ARID1B: variants seen among roughly 807,000 people sequenced by gnomAD.
ARID1B encodes the protein AT-rich interactive domain-containing protein 1B.
Under a neutral mutation model 212.3 loss-of-function variants are expected in ARID1B, and 30 were observed. That is an observed-to-expected ratio of 0.14 (90% CI 0.11 to 0.19). The LOEUF (loss-of-function observed/expected upper bound fraction) is 0.19. Among genes scored for constraint, ARID1B ranks in the 10% least tolerant of loss-of-function variants. The pLI is 1.00. For synonymous variants in ARID1B, 1,402 were observed against 1,301.7 expected, an observed-to-expected ratio of 1.08 and a Z score of -1.66; for missense variants, 2,891 against 3,204.0, an observed-to-expected ratio of 0.90 and a Z score of 2.36.
chr6:156,785,780 C>A (rs1218202106), intron 1 of ARID1B, among the ~76,000 whole-genome samples: 1 of 152,164 alleles, frequency 6.6e-6, no homozygotes, highest in Non-Finnish European at 1.5e-5. Flanking sequence ...CTTATCACTT[C>A]ATAGTTTGTG....
chr6:156,945,538 G>C (rs1268947127), intron 4 of ARID1B, among the ~76,000 whole-genome samples: 1 of 151,884 alleles, frequency 6.6e-6, no homozygotes, highest in African/African-American at 2.4e-5. Context: ...CGTAGGTAGG[G>C]ATCTCCCTGA....
At chr6:156,827,188 T>A (rs1782799274) in intron 1 of ARID1B, among the ~76,000 whole-genome samples, 1 of 152,206 alleles carries the variant, frequency 6.6e-6, no homozygotes. Context: ...CAGCTCATTA[T>A]GTCTCTTCCT....
rs761093701 is a variant in ARID1B at position 157,133,061 on chromosome 6, T to C, written c.2615T>C (p.Met872Thr). ...FMAGTQRNPQ[M>T]AQYGPQQTGP... ...GCAGGCACACAAAGAAACCCTCAGA[T>C]GGCTCAGTATGGACCTCAACAGACA... The change falls in exon 7 of 20, where the codon ATG becomes ACG. Residue 872 changes from methionine to threonine, a missense_variant. By Grantham distance (81) the Met-to-Thr change is moderately conservative. Around this residue, in one of 7 missense-constraint regions of ARID1B, gnomAD observed 1,643 missense variants for 1,544.0 expected, o/e 1.06. Coordinates refer to ENST00000636930, the MANE Select transcript of ARID1B (RefSeq NM_001374828.1). 16 of 1,606,528 alleles carry C rather than the reference T, an allele frequency of 1.0e-5. No individual in the cohort carries two copies. The Middle Eastern group carries it at 1.0e-3, about 100-fold the overall frequency.
upstream of ARID1B, chr6:156,777,329 A>T (rs1012872886): frequency 2.0e-5 from 3 of 151,298 alleles, no homozygotes; most frequent in Admixed American, 1.3e-4. Context: ...GCGCGGGAGT[A>T]ATGCGAGCGA....
In ARID1B at chr6:157,190,172, A is replaced by T. The variant is rs752811689; in HGVS notation, c.4193A>T (p.Tyr1398Phe). The change falls in exon 15 of 20, where the codon TAT becomes TTT. Residue 1398 changes from tyrosine to phenylalanine, a missense_variant. Tyr to Phe is a conservative substitution (Grantham distance 22). Coordinates refer to ENST00000636930, the MANE Select transcript of ARID1B (RefSeq NM_001374828.1). This position sits in a 1 kb window ranked among gnomAD's most constrained non-coding sequence, Gnocchi z 4.6. ...SMPDVMGRMP[Y>F]EPNKDPFGGM... ...CCCGATGTGATGGGCAGGATGCCCT[A>T]TGAGCCCAACAAGGACCCCTTTGGG... The T allele has an allele frequency of 6.2e-7, 1 of 1,613,980 alleles. No homozygotes were observed. The highest frequency in any genetic ancestry group is 8.5e-7 in the Non-Finnish European group (1 of 1,179,974).
At chr6:156,818,124 T>TTTTTTTTTTTC (rs1554255156) in intron 1 of ARID1B, among the ~76,000 whole-genome samples, 1 of 133,380 alleles carries the variant, frequency 7.5e-6, no homozygotes. Context: ...TTTTTTTTTT[T>TTTTTTTTTTTC]AGAATATAAG....
intron 4 of ARID1B, among the ~76,000 whole-genome samples, chr6:157,066,196 G>A (rs1783667614): frequency 6.6e-6 from 1 of 152,174 alleles, no homozygotes; most frequent in Admixed American, 6.5e-5. Flanking sequence ...GTCAATATCA[G>A]TTTTTACTGT....
At chr6:157,069,457 T>G (rs1353446201) in intron 4 of ARID1B, among the ~76,000 whole-genome samples, 1 of 152,206 alleles carries the variant, frequency 6.6e-6, no homozygotes, top group Non-Finnish European at 1.5e-5. Flanking sequence ...CACTACTAAT[T>G]TCTTGTAGGT....
intron 6 of ARID1B, among the ~76,000 whole-genome samples, chr6:157,128,489 G>A (rs774311416): frequency 2.0e-5 from 3 of 152,188 alleles, no homozygotes; most frequent in Admixed American, 6.5e-5. Flanking sequence ...TTCGAGACCA[G>A]CCTAGACAAC....
chr6:156,988,171 A>G (rs1336303500), intron 4 of ARID1B, among the ~76,000 whole-genome samples: 2 of 152,248 alleles, frequency 1.3e-5, no homozygotes, highest in Admixed American at 6.5e-5. Flanking sequence ...AGACGCACTT[A>G]GTAGTTACAA....
chr6:157,082,084 A>G (rs535078310), intron 4 of ARID1B, among the ~76,000 whole-genome samples: 10 of 152,276 alleles, frequency 6.6e-5, no homozygotes, highest in African/African-American at 2.4e-4. Flanking sequence ...ATCCCTTCAA[A>G]AAGAGTAAGA....
At chr6:157,095,915 G>A (rs1400336259) in intron 5 of ARID1B, among the ~76,000 whole-genome samples, 3 of 152,118 alleles carry the variant, frequency 2.0e-5, no homozygotes, top group East Asian at 1.9e-4. Flanking sequence ...CTGCTTGTTC[G>A]TTTTTCATGT....
At chr6:156,883,906 C>T (rs1161123106) in intron 2 of ARID1B, among the ~76,000 whole-genome samples, 2 of 152,174 alleles carry the variant, frequency 1.3e-5, no homozygotes, top group Non-Finnish European at 2.9e-5. Flanking sequence ...GTATCAACAA[C>T]AGCTGTAGGT....
Position 156,777,906 on chromosome 6 carries a change from C to T in ARID1B, c.226C>T (p.Leu76=), listed in dbSNP as rs1357701083. ...CCTGAACAGTGTGCACCACCACCCC[C>T]TGCTCCCCCGTCACGAACTCAACAT... is the stretch of plus-strand genomic sequence containing the variant. ...GGLNSVHHHP[L]LPRHELNMAH... The change falls in exon 1 of 20, where the codon CTG becomes TTG. Residue 76 remains leucine (L), a synonymous_variant. Transcript: ENST00000636930. 9.9e-6 allele frequency: 15 copies of T among 1,511,700 alleles called. No individual in the cohort carries two copies. Among genetic ancestry groups the T allele is most frequent in the African/African-American group, 1.4e-5 (1 of 71,436 alleles). The allele number at this position is 1,511,700 out of a possible 1,614,324, so 93.6% of individuals were successfully genotyped here. A position where few individuals can be genotyped will look rare whatever the true frequency, so the allele number is the denominator to read the frequency against.
At position 157,148,997 on chromosome 6, in the gene ARID1B, A is replaced by T. The variant is rs1057355525; in HGVS notation, c.3089+46A>T. On this transcript the variant is annotated intron_variant, in intron 8 of 19. Transcript: ENST00000636930. This position sits in a 1 kb window ranked among gnomAD's most constrained non-coding sequence, Gnocchi z 5.6. ...CCCCGGGCAGGTACGCTGTGTGTCT[A>T]CCCGTGACCACGTGACTGCGCACAT... 1 of 1,552,404 alleles carries T rather than the reference A, an allele frequency of 6.4e-7. No individual in the cohort carries two copies.
chr6:157,056,592 C>T (rs556822068), intron 4 of ARID1B, among the ~76,000 whole-genome samples: 1 of 152,234 alleles, frequency 6.6e-6, no homozygotes, highest in Non-Finnish European at 1.5e-5. Flanking sequence ...CTCAGTTTCT[C>T]CTTCCAGTAG....
At chr6:156,961,425 C>T (rs567953668) in intron 4 of ARID1B, among the ~76,000 whole-genome samples, 19 of 152,200 alleles carry the variant, frequency 1.2e-4, no homozygotes, top group African/African-American at 1.7e-4. Flanking sequence ...TTGCCTCTTC[C>T]GGGCAGTGCT....
At chr6:157,058,639 C>T (rs931616631) in intron 4 of ARID1B, among the ~76,000 whole-genome samples, 1 of 152,204 alleles carries the variant, frequency 6.6e-6, no homozygotes, top group African/African-American at 2.4e-5. Context: ...TTTAATATGG[C>T]CTGATGTTCA....
At chr6:157,122,616 C>T (rs753843251) in intron 6 of ARID1B, among the ~76,000 whole-genome samples, 9 of 152,206 alleles carry the variant, frequency 5.9e-5, no homozygotes, top group Non-Finnish European at 1.3e-4. Context: ...GGCAGCAGAA[C>T]CTGCCAGGGC....
Sources: allele counts gnomAD v4.1 joint callset (sites outside exome capture counted in the v4.1 genomes callset), GRCh38; gene constraint gnomAD v4.1.1; regional missense constraint gnomAD v4.1.1; non-coding constraint Gnocchi (gnomAD v3.1); transcripts MANE v1.5; gene names NCBI Gene and HGNC (gene_info 2026-07-23, HGNC 2026-07-21).